The following AP2B1 variants were observed in gnomAD, a reference collection of about 807,000 sequenced individuals.
AP2B1 encodes AP-2 complex subunit beta.
AP2B1 carries 23 observed loss-of-function variants against 102.0 expected under a neutral mutation model. The ratio of observed to expected loss-of-function variants is 0.23; its 90% CI spans 0.16 to 0.32. The LOEUF (loss-of-function observed/expected upper bound fraction) is 0.32, where lower values mean the gene tolerates loss of function less well. Among genes scored for constraint, AP2B1 ranks in the 10% least tolerant of loss-of-function variants. The pLI is 1.00. For missense variants in AP2B1, 541 were observed against 1,157.4 expected (o/e 0.47, Z 7.73); for synonymous variants, 381 against 421.2 (o/e 0.90, Z 1.17).
At chr17:35,612,613 C>A (rs1177084962) in intron 5 of AP2B1, among the ~76,000 whole-genome samples, 2 of 152,156 alleles carry the variant, frequency 1.3e-5, no homozygotes, top group Non-Finnish European at 2.9e-5. Context: ...TCTCACATTT[C>A]TCCTTAAAGC....
At chr17:35,659,099 T>A (rs982092245) in intron 14 of AP2B1, among the ~76,000 whole-genome samples, 1 of 152,252 alleles carries the variant, frequency 6.6e-6, no homozygotes, top group Non-Finnish European at 1.5e-5. Context: ...ATTCTACTTA[T>A]ATTGCTGTAT....
intron 4 of AP2B1, among the ~76,000 whole-genome samples, chr17:35,607,197 G>A (rs1046718178): frequency 2.0e-5 from 3 of 151,986 alleles, no homozygotes; most frequent in African/African-American, 7.2e-5. Context: ...GAGCCACCAT[G>A]TCCAGCCTAA....
At chr17:35,624,949 T>C (rs2074277744) in intron 6 of AP2B1, among the ~76,000 whole-genome samples, 1 of 152,210 alleles carries the variant, frequency 6.6e-6, no homozygotes, top group Non-Finnish European at 1.5e-5. Context: ...ATATTAGTTA[T>C]TGAGCTGACC....
At chr17:35,715,133 A>C (rs933694434) in intron 20 of AP2B1, among the ~76,000 whole-genome samples, 2 of 152,238 alleles carry the variant, frequency 1.3e-5, no homozygotes, top group Non-Finnish European at 2.9e-5. Flanking sequence ...AATGTTATGG[A>C]ACCCTCTCTC....
chr17:35,644,203 G>A (rs761350893), intron 12 of AP2B1, among the ~76,000 whole-genome samples: 2 of 152,134 alleles, frequency 1.3e-5, no homozygotes, highest in Admixed American at 6.5e-5. Context: ...TCTTGCCCAT[G>A]GTCTTGTCCA....
chr17:35,704,502 GGTA>G (rs1472494200), intron 18 of AP2B1, among the ~76,000 whole-genome samples: 1 of 152,110 alleles, frequency 6.6e-6, no homozygotes, highest in African/African-American at 2.4e-5. Context: ...TATTTTTTGA[GGTA>G]GTCAATATGC....
rs1445213554 is a variant in AP2B1, at chr17:35,641,906, G to A, written c.1467G>A (p.Val489=). The stretch of plus-strand genomic sequence containing the variant: ...AGCTCACTCTGCTTACTGCCATAGT[G>A]AAGCTGTTTCTCAAGAAACCATCAG... ...QVQLTLLTAI[V]KLFLKKPSET... Residue 489 remains valine (V), a synonymous_variant, in exon 12 of 22, where the codon GTG becomes GTA. Transcript: ENST00000610402. 5.6e-6 allele frequency: 9 copies of A among 1,612,750 alleles called. No homozygotes were observed. The highest frequency in any genetic ancestry group is 1.3e-5 in the African/African-American group (1 of 74,910).
rs72828052 is a variant in AP2B1, at chr17:35,603,362, A to G, written c.144-2343A>G. The stretch of plus-strand genomic sequence containing the variant: ...CTTCCCATAAAGTTACAGTTATCCT[A>G]TATTGTAAAGATACAGCTTACACTT... On this transcript the variant is annotated intron_variant, in intron 3 of 21. Coordinates refer to ENST00000610402, the MANE Select transcript of AP2B1 (RefSeq NM_001030006.2). 2.3e-3 allele frequency among the ~76,000 whole-genome samples: 348 copies of G among 152,336 alleles called. 1 individual carries two copies. The highest frequency in any genetic ancestry group is 6.2e-3 in the South Asian group (30 of 4,832).
chr17:35,664,840 A>G (rs984259380), intron 14 of AP2B1, among the ~76,000 whole-genome samples: 5 of 152,176 alleles, frequency 3.3e-5, no homozygotes, highest in Non-Finnish European at 5.9e-5. Flanking sequence ...TTTTTACTAT[A>G]TTCATCATTG....
rs2085476843 is a variant in AP2B1 at position 35,724,015 on chromosome 17, A to G, written c.*316A>G. On this transcript the variant is annotated 3_prime_UTR_variant, in exon 22 of 22. Transcript: ENST00000610402. ...CACCCTCTTTTGAGTGTAGTTTGGT[A>G]TTTTGTAATTGAGAGCTCATTTCAA... 1 of 277,438 alleles carries G rather than the reference A, an allele frequency of 3.6e-6. No individual in the cohort carries two copies. Among genetic ancestry groups the G allele is most frequent in the Non-Finnish European group, 6.8e-6 (1 of 146,846 alleles). The allele number at this position is 277,438 out of a possible 1,614,324, so 17.2% of individuals were successfully genotyped here.
chr17:35,658,369 C>T (rs2075282245), intron 14 of AP2B1, among the ~76,000 whole-genome samples: 1 of 150,668 alleles, frequency 6.6e-6, no homozygotes, highest in African/African-American at 2.4e-5. Flanking sequence ...TCCCCACCTA[C>T]TCCATTCTAT....
In AP2B1 at chr17:35,671,845, T is replaced by A. The variant is rs775906970; in HGVS notation, c.2123T>A (p.Phe708Tyr). 4.3e-6 allele frequency: 7 copies of A among 1,614,158 alleles called. No homozygotes were observed. Among genetic ancestry groups the A allele is most frequent in the Non-Finnish European group, 5.9e-6 (7 of 1,180,002 alleles). ...GTCAGCAGTGGACTGAATGACCTGT[T>A]TGAACTCTCCACAGGGATAGGCATG... ...AVVSSGLNDL[F>Y]ELSTGIGMAP... Residue 708 changes from phenylalanine (F) to tyrosine (Y), a missense_variant, in exon 16 of 22, where the codon TTT becomes TAT. Physicochemically the swap from Phe to Tyr is conservative, Grantham distance 22 (BLOSUM62 3). Transcript: ENST00000610402.
At position 35,597,198 on chromosome 17, in the gene AP2B1, G is replaced by A. The variant is rs992337443; in HGVS notation, c.38-1032G>A. ...AGGAACGACAGGAACAGTCTTGAAG[G>A]TGGAGGAAAGTCTTTTGAGGCAGTA... is the stretch of plus-strand genomic sequence containing the variant. On this transcript the variant is annotated intron_variant, in intron 2 of 21. Transcript: ENST00000610402. The A allele has an allele frequency of 2.3e-5, 10 of 437,296 alleles. No individual in the cohort carries two copies. In the East Asian group the frequency reaches 4.4e-4, roughly 19 times the overall value. 27.1% of individuals were successfully genotyped at this position (437,296 alleles called of 1,614,324 possible).
chr17:35,685,391 T>C (rs587774211), intron 18 of AP2B1, among the ~76,000 whole-genome samples: 400 of 152,346 alleles, frequency 2.6e-3, no homozygotes, highest in Non-Finnish European at 3.5e-3. Flanking sequence ...CAAAACATCA[T>C]TCCAACAAGG....
At chr17:35,708,687 T>C (rs760664215) in intron 18 of AP2B1, among the ~76,000 whole-genome samples, 2 of 152,122 alleles carry the variant, frequency 1.3e-5, no homozygotes, top group Non-Finnish European at 2.9e-5. Context: ...AAATAAGAGA[T>C]AGTATGGCAC....
chr17:35,686,768 TC>T (rs2075941785), intron 18 of AP2B1, among the ~76,000 whole-genome samples: 1 of 151,920 alleles, frequency 6.6e-6, no homozygotes, highest in Non-Finnish European at 1.5e-5. Context: ...ATCGAGACCA[TC>T]CTGGCTAACA....
At position 35,704,520 on chromosome 17, in the gene AP2B1, G is replaced by A. The variant is rs587620812; in HGVS notation, c.2455-4704G>A. On this transcript the variant is annotated intron_variant, in intron 18 of 21. Transcript: ENST00000610402. ...TTTTTGAGGTAGTCAATATGCTAGC[G>A]AAGATGAGAGACAGACCCTCCACTC... Among the ~76,000 whole-genome samples the A allele has an allele frequency of 2.6e-5, 4 of 152,234 alleles. No individual in the cohort carries two copies. In the South Asian group the frequency reaches 6.2e-4, roughly 24 times the overall value.
chr17:35,693,025 G>A (rs1383863226), intron 18 of AP2B1, among the ~76,000 whole-genome samples: 1 of 151,744 alleles, frequency 6.6e-6, no homozygotes, highest in African/African-American at 2.4e-5. Context: ...GGTGGGGGGA[G>A]GGGCGGTAAA....
intron 12 of AP2B1, among the ~76,000 whole-genome samples, chr17:35,648,866 A>AT (rs556692170): frequency 8.1e-5 from 12 of 147,486 alleles, no homozygotes; most frequent in Middle Eastern, 3.5e-3. Context: ...ATTGGGGGAG[A>AT]TTTTTTTTTT....
Sources: gnomAD v4.1 joint callset for allele counts (sites outside exome capture counted in the v4.1 genomes callset) on GRCh38, gnomAD v4.1.1 for gene constraint, MANE v1.5 for transcripts, NCBI Gene and HGNC (gene_info 2026-07-23, HGNC 2026-07-21) for gene names.